The following RBFOX1 variants were observed in gnomAD, a reference collection of about 807,000 sequenced individuals.
RBFOX1 encodes the protein RNA binding protein fox-1 homolog 1.
RBFOX1 carries 8 observed loss-of-function variants against 57.7 expected under a neutral mutation model. The observed-to-expected ratio is 0.14, with a 90% confidence interval of 0.08 to 0.25. RBFOX1 has a LOEUF of 0.25. Among genes scored for constraint, RBFOX1 ranks in the 10% least tolerant of loss-of-function variants. RBFOX1 has a pLI of 1.00. For synonymous variants in RBFOX1, 326 were observed against 222.4 expected (o/e 1.47, Z -4.15); for missense variants, 611 against 548.5 (o/e 1.11, Z -1.14).
At chr16:5,271,012 A>G in intron 1 of RBFOX1, 1 of 286,804 alleles carries the variant, frequency 3.5e-6, no homozygotes, top group South Asian at 3.5e-5. Context: ...ACAAACAATA[A>G]ACAACAATGA....
At chr16:6,218,320 G>C (rs1038978810) in intron 1 of RBFOX1, among the ~76,000 whole-genome samples, 4 of 151,578 alleles carry the variant, frequency 2.6e-5, no homozygotes, top group Admixed American at 2.0e-4. Flanking sequence ...TTTATTTATT[G>C]TTTTTTGAGA....
chr16:6,788,137 G>A lies in RBFOX1; in HGVS notation c.-16+133487G>A, dbSNP rs780097262. Among the ~76,000 whole-genome samples the A allele has an allele frequency of 5.3e-5, 8 of 152,258 alleles. No individual in the cohort carries two copies. In the South Asian group the frequency reaches 8.3e-4, roughly 16 times the overall value. On this transcript the variant is annotated intron_variant, in intron 3 of 15. Transcript: ENST00000550418. ...CTGGGAAGGCTGAGGCAGGAGAACC[G>A]CTTGAACCTGGGAGGCGGATGTTGG...
chr16:6,874,125 G>A (rs2061413316), intron 3 of RBFOX1: 1 of 152,070 alleles, frequency 6.6e-6, no homozygotes, highest in Non-Finnish European at 1.5e-5. Flanking sequence ...CAGAAATATG[G>A]AACCAGCCGA....
chr16:6,430,485 C>T (rs777545587), intron 2 of RBFOX1, among the ~76,000 whole-genome samples: 3 of 152,150 alleles, frequency 2.0e-5, no homozygotes, highest in Non-Finnish European at 4.4e-5. Flanking sequence ...GTTTTCTAGG[C>T]AAACTCAAGT....
chr16:5,285,431 A>T (rs1250763513), intron 1 of RBFOX1, among the ~76,000 whole-genome samples: 1 of 152,098 alleles, frequency 6.6e-6, no homozygotes, highest in Non-Finnish European at 1.5e-5. Context: ...CATTATTCTG[A>T]AAATTTTTTC....
chr16:7,486,260 T>C (rs11859820), intron 4 of RBFOX1, among the ~76,000 whole-genome samples: 31,273 of 151,324 alleles, frequency 0.21, 3,450 homozygotes, highest in East Asian at 0.39. Context: ...GTAGCTGGCA[T>C]TACAGTCCTC....
intron 3 of RBFOX1, among the ~76,000 whole-genome samples, chr16:5,691,773 T>C (rs1317996341): frequency 6.6e-6 from 1 of 152,188 alleles, no homozygotes; most frequent in Admixed American, 6.5e-5. Context: ...ACATTATCTT[T>C]TTTTTTATTT....
intron 3 of RBFOX1, among the ~76,000 whole-genome samples, chr16:6,972,803 T>C (rs1346255772): frequency 2.0e-5 from 3 of 151,986 alleles, no homozygotes; most frequent in African/African-American, 7.2e-5. Flanking sequence ...AAAATTTCTG[T>C]TCAAATTCAT....
chr16:5,701,110 G>T (rs1392618750), intron 3 of RBFOX1, among the ~76,000 whole-genome samples: 1 of 98,758 alleles, frequency 1.0e-5, no homozygotes, highest in Non-Finnish European at 3.0e-5. Context: ...ACCAGAAAAT[G>T]CCTGTTTATT....
intron 3 of RBFOX1, among the ~76,000 whole-genome samples, chr16:5,855,303 C>A (rs139024059): frequency 6.6e-6 from 1 of 152,194 alleles, no homozygotes; most frequent in Non-Finnish European, 1.5e-5. Flanking sequence ...CTACGCAGAC[C>A]AATGTCAAGA....
chr16:6,326,431 G>T lies in RBFOX1; in HGVS notation c.-64+9374G>T, dbSNP rs573128212. On this transcript the variant is annotated intron_variant, in intron 2 of 15. Coordinates refer to ENST00000550418, the MANE Select transcript of RBFOX1 (RefSeq NM_018723.4). ...GCTCAGGAATGTAAGGATGTGATTA[G>T]TTTGACCAGATGTGAGAGAGGACCA... Among the ~76,000 whole-genome samples the T allele has an allele frequency of 5.2e-4, 79 of 152,308 alleles. 1 individual carries two copies. Among genetic ancestry groups the T allele is most frequent in the African/African-American group, 1.8e-3 (73 of 41,568 alleles).
In RBFOX1 at chr16:5,839,385, G is replaced by T. The variant is rs74004644; in HGVS notation, c.319-27918G>T. 6.8e-3 allele frequency among the ~76,000 whole-genome samples: 1,042 copies of T among 152,200 alleles called. 10 individuals carry two copies. The highest frequency in any genetic ancestry group is 0.023 in the African/African-American group (954 of 41,532). On this transcript the variant is annotated intron_variant, in intron 3 of 19. Coordinates refer to the RBFOX1 transcript ENST00000641259. ...CTTTTTGCCAAAAGCCCTTTTCTTG[G>T]TTTATGGCCCTAATTCCTTTAGCCC...
chr16:6,448,158 T>TTTC (rs2094524121), intron 2 of RBFOX1, among the ~76,000 whole-genome samples: 3 of 127,980 alleles, frequency 2.3e-5, no homozygotes, highest in South Asian at 5.5e-4. Flanking sequence ...TTTTCTTTCT[T>TTTC]TTTTTTTTTT....
downstream of RBFOX1, chr16:5,601,101 G>T: frequency 6.6e-6 from 1 of 152,296 alleles, no homozygotes; most frequent in Middle Eastern, 3.4e-3. Context: ...TATTGTATTG[G>T]CTGTCTCTTG....
At position 5,629,878 on chromosome 16, in the gene RBFOX1, G is replaced by T. The variant is rs371382482; in HGVS notation, c.318+30917G>T. ...TGAAGCCCACTTTATGTCTTCTTGA[G>T]TAGGAAAGTACCCATCTTAGGGTGT... On this transcript the variant is annotated intron_variant, in intron 3 of 19. Coordinates refer to the RBFOX1 transcript ENST00000641259. 5.9e-4 allele frequency among the ~76,000 whole-genome samples: 90 copies of T among 152,300 alleles called. 2 individuals are homozygous for T. In the South Asian group the frequency reaches 0.018, roughly 31 times the overall value.
chr16:5,315,074 A>T (rs2064198443), intron 1 of RBFOX1, among the ~76,000 whole-genome samples: 1 of 152,124 alleles, frequency 6.6e-6, no homozygotes, highest in African/African-American at 2.4e-5. Flanking sequence ...TGCCTTGGAA[A>T]TTTATTTTAG....
intron 3 of RBFOX1, among the ~76,000 whole-genome samples, chr16:6,999,547 A>G (rs1158644480): frequency 1.3e-5 from 2 of 152,080 alleles, no homozygotes; most frequent in Non-Finnish European, 2.9e-5. Flanking sequence ...TCAAAAAAAC[A>G]CAAAAGTAGA....
chr16:6,402,703 G>A (rs1050483652), intron 2 of RBFOX1, among the ~76,000 whole-genome samples: 1 of 152,144 alleles, frequency 6.6e-6, no homozygotes, highest in African/African-American at 2.4e-5. Context: ...CATTTATTTA[G>A]AAAACATGGT....
At position 7,348,057 on chromosome 16, in the gene RBFOX1, C is replaced by T. The variant is rs561653239; in HGVS notation, c.28-170090C>T. ...TTAAGCTCGTTGCCTCCTTTGACTTCTGTTTAACAGAAAATTCACTTTGCA... is the reference window on the plus strand; with the variant it reads ...TTAAGCTCGTTGCCTCCTTTGACTTTTGTTTAACAGAAAATTCACTTTGCA... On this transcript the variant is annotated intron_variant, in intron 4 of 15. Transcript: ENST00000550418. 6.6e-5 allele frequency among the ~76,000 whole-genome samples: 10 copies of T among 152,348 alleles called. No individual in the cohort carries two copies. The South Asian group carries it at 2.1e-3, about 32-fold the overall frequency.
Sources: allele counts gnomAD v4.1 joint callset (sites outside exome capture counted in the v4.1 genomes callset), GRCh38; gene constraint gnomAD v4.1.1; transcripts MANE v1.5; gene names NCBI Gene and HGNC (gene_info 2026-07-23, HGNC 2026-07-21).